SCN7A: variants seen among roughly 807,000 people sequenced by gnomAD.
SCN7A encodes sodium voltage-gated channel alpha subunit 7.
SCN7A carries 138 observed loss-of-function variants against 155.2 expected under a neutral mutation model. That is an observed-to-expected ratio of 0.89 (90% CI 0.77 to 1.02). The LOEUF is 1.02. Among genes scored for constraint, SCN7A ranks in the 50% least tolerant of loss-of-function variants. The pLI is 0.00. For synonymous variants in SCN7A, 693 were observed against 649.0 expected, an observed-to-expected ratio of 1.07 and a Z score of -1.03; for missense variants, 2,058 against 1,986.6, an observed-to-expected ratio of 1.04 and a Z score of -0.68.
intron 25 of SCN7A, among the ~76,000 whole-genome samples, chr2:166,407,393 T>A (rs1483877229): frequency 6.6e-6 from 1 of 151,970 alleles, no homozygotes; most frequent in Non-Finnish European, 1.5e-5. Flanking sequence ...TTAGAGAGAA[T>A]GTAGTTTATT....
intron 11 of SCN7A, among the ~76,000 whole-genome samples, chr2:166,456,359 T>C (rs921056136): frequency 2.6e-5 from 4 of 152,002 alleles, no homozygotes; most frequent in Admixed American, 1.3e-4. Context: ...ATATCCAGTA[T>C]AATAATAATA....
intron 25 of SCN7A, among the ~76,000 whole-genome samples, chr2:166,407,742 T>C (rs1701106185): frequency 6.6e-6 from 1 of 151,942 alleles, no homozygotes; most frequent in Admixed American, 6.6e-5. Context: ...TTTTTAATCT[T>C]TGTTTTTATT....
chr2:166,465,368 A>G (rs1308758415), intron 9 of SCN7A, 94 bp downstream of exon 9: 2 of 886,524 alleles, frequency 2.3e-6, no homozygotes. Flanking sequence ...AGATAATACA[A>G]TCAAATGGGA....
At chr2:166,408,839 T>A (rs1014570410) in intron 25 of SCN7A, among the ~76,000 whole-genome samples, 1 of 152,030 alleles carries the variant, frequency 6.6e-6, no homozygotes, top group Admixed American at 6.6e-5. Flanking sequence ...ATGTGTGTTA[T>A]GTGGAAACAG....
intron 17 of SCN7A, among the ~76,000 whole-genome samples, chr2:166,428,767 C>T (rs925175014): frequency 6.6e-6 from 1 of 151,954 alleles, no homozygotes; most frequent in Non-Finnish European, 1.5e-5. Context: ...GGTAAAGATA[C>T]ATAATGTTCA....
chr2:166,442,643 TC>T (rs1701985393), intron 14 of SCN7A, among the ~76,000 whole-genome samples: 1 of 152,136 alleles, frequency 6.6e-6, no homozygotes, highest in South Asian at 2.1e-4. Context: ...TTTCTAGTGT[TC>T]AGCTGTCTTT....
At chr2:166,483,073 T>C (rs1702966405) in intron 2 of SCN7A, among the ~76,000 whole-genome samples, 1 of 152,036 alleles carries the variant, frequency 6.6e-6, no homozygotes, top group African/African-American at 2.4e-5. Flanking sequence ...CAAGTCCAGA[T>C]TTGGACACTA....
In SCN7A at chr2:166,412,618, A is replaced by C; in HGVS notation, c.3518T>G (p.Phe1173Cys). 3 of 1,524,164 alleles carry C rather than the reference A, an allele frequency of 2.0e-6. No individual in the cohort carries two copies. Among genetic ancestry groups the C allele is most frequent in the Non-Finnish European group, 2.6e-6 (3 of 1,137,680 alleles). 94.4% of individuals were successfully genotyped at this position (1,524,164 alleles called of 1,614,324 possible). A position where few individuals can be genotyped will look rare whatever the true frequency, so the allele number is the denominator to read the frequency against. Residue 1173 changes from phenylalanine (F) to cysteine (C), a missense_variant, in exon 23 of 26, where the codon TTT becomes TGT. By Grantham distance (205) the Phe-to-Cys change is radical. Transcript: ENST00000643258. ...FEVNIYMYCY[F>C]INFIIFGVFL... Reference sequence around the variant, plus strand: ...TACTCCAAATATAATAAAGTTGATAAAGTAACAATACATGTAGATGTTGAC... The same window carrying C: ...TACTCCAAATATAATAAAGTTGATACAGTAACAATACATGTAGATGTTGAC...
Position 166,465,855 on chromosome 2 carries a change from T to G in SCN7A, c.797A>C (p.Lys266Thr), listed in dbSNP as rs1559120025. 1 of 1,613,852 alleles carries G rather than the reference T, an allele frequency of 6.2e-7. No homozygotes were observed. Among genetic ancestry groups the G allele is most frequent in the Admixed American group, 1.7e-5 (1 of 60,000 alleles). The change falls in exon 8 of 26, where the codon AAA (lysine) becomes ACA (threonine). Residue 266 changes from lysine to threonine, a missense_variant. Transcript: ENST00000643258. ...MGLFMGNLKH[K>T]CFRWPQENEN... ...ATTCTCTTGGGGCCATCGAAAACAT[T>G]TATGTTTCAAGTTGCCCATGAAGAG... is the stretch of plus-strand genomic sequence containing the variant.
chr2:166,456,732 C>A, intron 11 of SCN7A, 138 bp downstream of exon 11: 1 of 400,014 alleles, frequency 2.5e-6, no homozygotes, highest in Non-Finnish European at 4.1e-6. Context: ...ATGGGACCAG[C>A]AATGAACTGT....
intron 10 of SCN7A, among the ~76,000 whole-genome samples, chr2:166,460,503 C>T (rs72886688): frequency 0.18 from 28,051 of 151,822 alleles, 3,281 homozygotes; most frequent in Non-Finnish European, 0.25. Flanking sequence ...GGGAAAATAA[C>T]CGGACAAGCA....
Position 166,441,564 on chromosome 2 carries a change from G to A in SCN7A, c.1989C>T (p.Asp663=). ...YEEFVCHIDK[D]CQLPRWHMHD... ...GCATGTGCCAGCGTGGGAGTTGACA[G>A]TCTTTGTCTATGTGGCAGACAAATT... Residue 663 remains aspartate, a synonymous_variant, in exon 15 of 26, where the codon GAC becomes GAT. Coordinates refer to ENST00000643258, the MANE Select transcript of SCN7A (RefSeq NM_002976.4). 6.2e-7 allele frequency: 1 copy of A among 1,614,066 alleles called. No homozygotes were observed. Among genetic ancestry groups the A allele is most frequent in the Non-Finnish European group, 8.5e-7 (1 of 1,179,964 alleles).
At chr2:166,456,163 C>T (rs1313243303) in intron 11 of SCN7A, among the ~76,000 whole-genome samples, 4 of 151,944 alleles carry the variant, frequency 2.6e-5, no homozygotes, top group Non-Finnish European at 5.9e-5. Context: ...ACAATGAGAG[C>T]ACATGGGCAC....
At chr2:166,469,422 A>G (rs1036367787) in intron 7 of SCN7A, among the ~76,000 whole-genome samples, 1 of 151,914 alleles carries the variant, frequency 6.6e-6, no homozygotes, top group South Asian at 2.1e-4. Flanking sequence ...TTTATTATGT[A>G]TGCTTCTATT....
At chr2:166,435,915 A>G (rs561030386) in intron 15 of SCN7A, among the ~76,000 whole-genome samples, 2 of 152,272 alleles carry the variant, frequency 1.3e-5, no homozygotes, top group African/African-American at 4.8e-5. Flanking sequence ...AAAATTTGCT[A>G]ACTAAAACTT....
chr2:166,411,090 C>T (rs1310965827), intron 23 of SCN7A, among the ~76,000 whole-genome samples: 1 of 152,004 alleles, frequency 6.6e-6, no homozygotes, highest in Non-Finnish European at 1.5e-5. Flanking sequence ...CTCTCTACTC[C>T]TATTTCATTG....
intron 13 of SCN7A, among the ~76,000 whole-genome samples, chr2:166,444,297 C>G (rs146744751): frequency 6.6e-6 from 1 of 152,132 alleles, no homozygotes; most frequent in Non-Finnish European, 1.5e-5. Flanking sequence ...CTCAAAAATA[C>G]CAGGCTAAAA....
chr2:166,429,838 G>A (rs915314389), intron 16 of SCN7A, among the ~76,000 whole-genome samples: 1 of 152,048 alleles, frequency 6.6e-6, no homozygotes, highest in African/African-American at 2.4e-5. Flanking sequence ...ACAGCCTTAT[G>A]AAAAGCACCC....
chr2:166,476,351 T>G (rs1020409042), intron 3 of SCN7A, among the ~76,000 whole-genome samples: 3 of 152,018 alleles, frequency 2.0e-5, no homozygotes, highest in Admixed American at 2.0e-4. Context: ...ATAATATCAT[T>G]GAATGCTCTA....
Sources: allele counts gnomAD v4.1 joint callset (sites outside exome capture counted in the v4.1 genomes callset), GRCh38; gene constraint gnomAD v4.1.1; transcripts MANE v1.5; gene names NCBI Gene and HGNC (gene_info 2026-07-23, HGNC 2026-07-21).